Variants in MAPK6 observed in about 807,000 individuals in gnomAD.
MAPK6 encodes mitogen-activated protein kinase 6.
Under a neutral mutation model 59.3 loss-of-function variants are expected in MAPK6, and 19 were observed. That is an observed-to-expected ratio of 0.32 (90% CI 0.22 to 0.47). The LOEUF is 0.47. Among genes scored for constraint, MAPK6 ranks in the 20% least tolerant of loss-of-function variants. The pLI is 1.00. For missense variants in MAPK6, 724 were observed against 847.9 expected, an observed-to-expected ratio of 0.85 and a Z score of 1.81; for synonymous variants, 316 against 290.3, an observed-to-expected ratio of 1.09 and a Z score of -0.90.
intron 1 of MAPK6, among the ~76,000 whole-genome samples, chr15:52,037,983 G>T (rs556435617): frequency 1.3e-5 from 2 of 152,278 alleles, no homozygotes; most frequent in African/African-American, 4.8e-5. Context: ...AAAATGAAGA[G>T]TAGAGGTTCT....
At chr15:51,990,391 ATC>A (rs2057204378) in intron 2 of MAPK6, among the ~76,000 whole-genome samples, 1 of 152,262 alleles carries the variant, frequency 6.6e-6, no homozygotes, top group Non-Finnish European at 1.5e-5. Context: ...AATTGGGGCC[ATC>A]TCTCTGCAGA....
At chr15:52,041,618 T>G (rs1011706761) in intron 1 of MAPK6, among the ~76,000 whole-genome samples, 3 of 152,194 alleles carry the variant, frequency 2.0e-5, no homozygotes, top group Non-Finnish European at 2.9e-5. Context: ...TATATATGCT[T>G]TAGTCAGGCC....
At chr15:51,974,722 T>C (rs982357807) in intron 1 of MAPK6, among the ~76,000 whole-genome samples, 1 of 150,430 alleles carries the variant, frequency 6.6e-6, no homozygotes, top group Non-Finnish European at 1.5e-5. Flanking sequence ...AGAATTTCTT[T>C]TTTCCCCCCC....
At chr15:51,987,726 T>C (rs2057195344) in intron 2 of MAPK6, among the ~76,000 whole-genome samples, 1 of 151,848 alleles carries the variant, frequency 6.6e-6, no homozygotes, top group African/African-American at 2.4e-5. Context: ...ACTTTGGCAC[T>C]TACTCGTAGA....
chr15:52,060,095 C>G (rs1028943518), intron 4 of MAPK6, among the ~76,000 whole-genome samples: 1 of 152,140 alleles, frequency 6.6e-6, no homozygotes, highest in African/African-American at 2.4e-5. Flanking sequence ...AAGCATGGTT[C>G]AGCACCATTG....
intron 1 of MAPK6, among the ~76,000 whole-genome samples, chr15:51,974,733 C>A (rs187207024): frequency 6.6e-6 from 1 of 150,528 alleles, no homozygotes; most frequent in Admixed American, 6.6e-5. Context: ...TTTCCCCCCC[C>A]GCAAGACAGA....
intron 1 of MAPK6, among the ~76,000 whole-genome samples, chr15:51,974,420 G>GC (rs1490646081): frequency 6.6e-6 from 1 of 151,358 alleles, no homozygotes; most frequent in African/African-American, 2.4e-5. Context: ...ACTTTGGGAG[G>GC]CCGAGGCAGG....
chr15:52,014,453 G>A (rs1029236513), upstream of MAPK6, among the ~76,000 whole-genome samples: 1 of 152,102 alleles, frequency 6.6e-6, no homozygotes, highest in African/African-American at 2.4e-5. Flanking sequence ...GCTCATCCCT[G>A]TAATCCCAGC....
At chr15:52,019,764 C>T (rs1317817420) in intron 1 of MAPK6, among the ~76,000 whole-genome samples, 1 of 151,888 alleles carries the variant, frequency 6.6e-6, no homozygotes, top group Non-Finnish European at 1.5e-5. Flanking sequence ...CTGCGCCTGG[C>T]TCCGCGGGTT....
chr15:52,065,919 A>T lies in MAPK6; in HGVS notation c.*919A>T. The T allele has an allele frequency of 6.6e-6, 1 of 152,586 alleles. No homozygotes were observed. Among genetic ancestry groups the T allele is most frequent in the East Asian group, 1.9e-4 (1 of 5,194 alleles). The allele number at this position is 152,586 out of a possible 1,614,324, so 9.5% of individuals were successfully genotyped here. The stretch of plus-strand genomic sequence containing the variant: ...GGTGCTTGATCTATCTACAAAGAAA[A>T]ATTAATTAGGAATTACTTTATTATA... On this transcript the variant is annotated 3_prime_UTR_variant, in exon 6 of 6. Coordinates refer to ENST00000261845, the MANE Select transcript of MAPK6 (RefSeq NM_002748.4).
intron 3 of MAPK6, among the ~76,000 whole-genome samples, chr15:52,004,971 T>C (rs1167691267): frequency 6.6e-6 from 1 of 152,240 alleles, no homozygotes; most frequent in Non-Finnish European, 1.5e-5. Context: ...GCAGAGACTG[T>C]GTTTGACCTT....
chr15:52,046,447 G>C lies in MAPK6; in HGVS notation c.-14G>C. The C allele has an allele frequency of 6.3e-7, 1 of 1,578,280 alleles. No homozygotes were observed. The highest frequency in any genetic ancestry group is 1.2e-5 in the South Asian group (1 of 85,298). On this transcript the variant is annotated 5_prime_UTR_variant, in exon 2 of 6. Coordinates refer to ENST00000261845, the MANE Select transcript of MAPK6 (RefSeq NM_002748.4). ...TTCAATTTGAAAGGAAAAGGCAATA[G>C]TAAGGGTTTCAAAATGGCAGAGAAA...
chr15:51,997,884 G>A (rs928294206), intron 2 of MAPK6, among the ~76,000 whole-genome samples: 7 of 150,738 alleles, frequency 4.6e-5, no homozygotes, highest in African/African-American at 1.5e-4. Context: ...GAGTCACCAC[G>A]CCCGGCCTTT....
At chr15:52,051,696 A>G (rs1220912220) in intron 3 of MAPK6, among the ~76,000 whole-genome samples, 1 of 151,992 alleles carries the variant, frequency 6.6e-6, no homozygotes, top group African/African-American at 2.4e-5. Context: ...CAACATGGTG[A>G]AACCCTGTCT....
intron 1 of MAPK6, among the ~76,000 whole-genome samples, chr15:51,972,292 C>T (rs1311948409): frequency 3.9e-5 from 6 of 152,104 alleles, no homozygotes; most frequent in Non-Finnish European, 8.8e-5. Flanking sequence ...GCGCCCGCCA[C>T]CACACCCGGC....
rs2032369354 is a variant in MAPK6, at chr15:52,065,214, TAGAGCAAAATAATGCAACGCAGGA to T, written c.*215_*238del. On this transcript the variant is annotated 3_prime_UTR_variant, in exon 6 of 6. Coordinates refer to ENST00000261845, the MANE Select transcript of MAPK6 (RefSeq NM_002748.4). ...GTCATTTGCACACAAAAATAAAGAC[TAGAGCAAAATAATGCAACGCAGGA>T]GGAGAAAAGAAATGCACTAAGACAA... The T allele has an allele frequency of 2.1e-6, 1 of 468,078 alleles. No individual in the cohort carries two copies. The highest frequency in any genetic ancestry group is 2.0e-5 in the African/African-American group (1 of 50,310). The allele number at this position is 468,078 out of a possible 1,614,324, so 29.0% of individuals were successfully genotyped here.
At chr15:51,987,346 C>T (rs960969617) in intron 2 of MAPK6, among the ~76,000 whole-genome samples, 3 of 152,196 alleles carry the variant, frequency 2.0e-5, no homozygotes, top group African/African-American at 7.2e-5. Context: ...TGGCTCCCAC[C>T]TGTAATCCCA....
At chr15:52,055,616 A>T (rs2031948737) in intron 3 of MAPK6, among the ~76,000 whole-genome samples, 1 of 152,114 alleles carries the variant, frequency 6.6e-6, no homozygotes, top group African/African-American at 2.4e-5. Context: ...CCCGGGTTCA[A>T]GCGATTCTCC....
At chr15:52,030,180 T>C (rs2030972879) in intron 1 of MAPK6, among the ~76,000 whole-genome samples, 1 of 152,224 alleles carries the variant, frequency 6.6e-6, no homozygotes, top group Non-Finnish European at 1.5e-5. Flanking sequence ...GCAGTGCTGG[T>C]AGCTTCTTAT....
Sources: gnomAD v4.1 joint callset for allele counts (sites outside exome capture counted in the v4.1 genomes callset) on GRCh38, gnomAD v4.1.1 for gene constraint, MANE v1.5 for transcripts, NCBI Gene and HGNC (gene_info 2026-07-23, HGNC 2026-07-21) for gene names.